The following CEP112 variants were observed in gnomAD, a reference collection of about 807,000 sequenced individuals.
The protein encoded by CEP112 is centrosomal protein of 112 kDa.
A neutral mutation model predicts 153.0 loss-of-function variants in CEP112; 127 were observed. The observed-to-expected ratio is 0.83, with a 90% CI of 0.72 to 0.96. The LOEUF (loss-of-function observed/expected upper bound fraction) is 0.96. Among genes scored for constraint, CEP112 ranks in the 40% least tolerant of loss-of-function variants. CEP112 has a pLI of 0.00. For synonymous variants in CEP112, 358 were observed against 374.4 expected, an observed-to-expected ratio of 0.96 and a Z score of 0.51; for missense variants, 1,089 against 1,101.2, an observed-to-expected ratio of 0.99 and a Z score of 0.16.
chr17:65,793,933 G>A (rs879724124), intron 21 of CEP112, among the ~76,000 whole-genome samples: 12 of 152,080 alleles, frequency 7.9e-5, no homozygotes, highest in Admixed American at 2.6e-4. Context: ...CCATAGCTAC[G>A]AAGCAGTGAT....
At chr17:65,867,041 G>T (rs1878031668) in intron 20 of CEP112, among the ~76,000 whole-genome samples, 1 of 152,196 alleles carries the variant, frequency 6.6e-6, no homozygotes, top group Admixed American at 6.5e-5. Context: ...AGGGAGCCCA[G>T]ACTCAGGAGC....
At chr17:66,000,648 C>T (rs2063999257) in intron 17 of CEP112, among the ~76,000 whole-genome samples, 2 of 152,148 alleles carry the variant, frequency 1.3e-5, no homozygotes, top group African/African-American at 4.8e-5. Flanking sequence ...CCACTCTCAC[C>T]GTGGTGCTGC....
chr17:65,759,433 G>A (rs572707162), intron 21 of CEP112, among the ~76,000 whole-genome samples: 1 of 152,130 alleles, frequency 6.6e-6, no homozygotes. Context: ...TCCAGTTATG[G>A]CCAGCCTGGT....
At chr17:65,829,960 A>G (rs2057011306) in intron 21 of CEP112, among the ~76,000 whole-genome samples, 1 of 152,218 alleles carries the variant, frequency 6.6e-6, no homozygotes, top group Non-Finnish European at 1.5e-5. Flanking sequence ...GTAGTACCAT[A>G]AGTAATTATT....
At chr17:65,826,584 T>C (rs757828624) in intron 21 of CEP112, 392 of 1,257,984 alleles carry the variant, frequency 3.1e-4, no homozygotes, top group Admixed American at 5.3e-4. Context: ...TTCTTTGTGA[T>C]TCTGGTCTCC....
At position 66,163,491 on chromosome 17, in the gene CEP112, A is replaced by T. The variant is rs531288147; in HGVS notation, c.470+11553T>A. Among the ~76,000 whole-genome samples the T allele has an allele frequency of 2.0e-3, 306 of 152,246 alleles. 1 individual carries two copies. Among genetic ancestry groups the T allele is most frequent in the Admixed American group, 3.3e-3 (50 of 15,292 alleles). ...AAAGTATCAAATAATGCTGAAAATTAAAAAATGAAAATAACTTCCAAAAAT... is the reference window on the plus strand; with the variant it reads ...AAAGTATCAAATAATGCTGAAAATTTAAAAATGAAAATAACTTCCAAAAAT... On this transcript the variant is annotated intron_variant, in intron 4 of 26. Coordinates refer to ENST00000535342, the MANE Select transcript of CEP112 (RefSeq NM_001199165.4).
At chr17:65,960,982 T>A (rs1216755017) in intron 18 of CEP112, among the ~76,000 whole-genome samples, 1 of 150,320 alleles carries the variant, frequency 6.7e-6, no homozygotes, top group Non-Finnish European at 1.5e-5. Flanking sequence ...TTTATTCTTT[T>A]ACAAATTTTG....
At chr17:65,994,757 T>C (rs980311707) in intron 17 of CEP112, among the ~76,000 whole-genome samples, 4 of 152,186 alleles carry the variant, frequency 2.6e-5, no homozygotes, top group African/African-American at 9.7e-5. Flanking sequence ...CTCATGGCAC[T>C]TCCTTGAAAG....
At chr17:65,880,943 G>A (rs953643988) in intron 20 of CEP112, among the ~76,000 whole-genome samples, 1 of 152,152 alleles carries the variant, frequency 6.6e-6, no homozygotes, top group African/African-American at 2.4e-5. Context: ...TGGGCCAGGT[G>A]TGGTGGCTCA....
At chr17:65,770,928 T>TAAAA (rs34049976) in intron 21 of CEP112, among the ~76,000 whole-genome samples, 2,005 of 124,210 alleles carry the variant, frequency 0.016, 56 homozygotes, top group African/African-American at 0.052. Flanking sequence ...GACTCCGTCT[T>TAAAA]AAAAAAAAAA....
chr17:65,782,753 G>C (rs2054069356), intron 21 of CEP112, among the ~76,000 whole-genome samples: 1 of 152,124 alleles, frequency 6.6e-6, no homozygotes, highest in Non-Finnish European at 1.5e-5. Context: ...TTATAAGTGG[G>C]AGCTAAACAT....
At chr17:65,930,277 C>A (rs1234144237) in intron 18 of CEP112, among the ~76,000 whole-genome samples, 1 of 152,042 alleles carries the variant, frequency 6.6e-6, no homozygotes, top group African/African-American at 2.4e-5. Context: ...CAGTTTTTCA[C>A]AATATATTTG....
intron 4 of CEP112, among the ~76,000 whole-genome samples, chr17:66,170,847 G>A (rs2072215019): frequency 6.6e-6 from 1 of 152,066 alleles, no homozygotes; most frequent in Admixed American, 6.6e-5. Context: ...ATGCAATGTG[G>A]AACAGTAGTT....
intron 16 of CEP112, among the ~76,000 whole-genome samples, chr17:66,022,418 C>T (rs1369072137): frequency 6.6e-6 from 1 of 151,982 alleles, no homozygotes; most frequent in Non-Finnish European, 1.5e-5. Flanking sequence ...TTTTGAAATG[C>T]TAGATAAAGG....
intron 20 of CEP112, among the ~76,000 whole-genome samples, chr17:65,865,610 G>C (rs2058457419): frequency 6.6e-6 from 1 of 152,184 alleles, no homozygotes; most frequent in South Asian, 2.1e-4. Flanking sequence ...TAGGTCTCAG[G>C]AGCCCACCAG....
intron 18 of CEP112, among the ~76,000 whole-genome samples, chr17:65,949,215 T>G (rs1409601352): frequency 6.6e-6 from 1 of 152,240 alleles, no homozygotes; most frequent in Non-Finnish European, 1.5e-5. Flanking sequence ...AAGAATTACT[T>G]GATTTGCGAA....
intron 23 of CEP112, among the ~76,000 whole-genome samples, chr17:65,710,815 C>T (rs1362289159): frequency 2.6e-5 from 4 of 152,316 alleles, no homozygotes; most frequent in Admixed American, 6.5e-5. Context: ...TCTGCGTCCC[C>T]GCTCTTTTCT....
intron 24 of CEP112, chr17:65,644,371 G>A: frequency 1.8e-6 from 1 of 559,458 alleles, no homozygotes; most frequent in Non-Finnish European, 3.3e-6. Flanking sequence ...GTTCAAGTCT[G>A]GCATTTTCCA....
intron 4 of CEP112, among the ~76,000 whole-genome samples, chr17:66,171,869 C>G (rs2072255131): frequency 6.6e-6 from 1 of 152,194 alleles, no homozygotes; most frequent in Non-Finnish European, 1.5e-5. Flanking sequence ...TGACATTTGA[C>G]AGAGGATATT....
Sources: gnomAD v4.1 joint callset for allele counts (sites outside exome capture counted in the v4.1 genomes callset) on GRCh38, gnomAD v4.1.1 for gene constraint, MANE v1.5 for transcripts, NCBI Gene and HGNC (gene_info 2026-07-23, HGNC 2026-07-21) for gene names.